EFHC1: variants seen among roughly 807,000 people sequenced by gnomAD.
EFHC1 encodes EF-hand domain-containing protein 1.
In EFHC1, 53 loss-of-function variants were observed where a neutral mutation model predicts 69.9. That is an observed-to-expected ratio of 0.76 (90% CI 0.61 to 0.95). The LOEUF (loss-of-function observed/expected upper bound fraction) is 0.95, where lower values mean the gene tolerates loss of function less well. EFHC1 is among the 40% of genes least tolerant of loss of function. The pLI, the probability that EFHC1 is intolerant of heterozygous loss-of-function variation, is 0.00. For missense variants in EFHC1, 739 were observed against 798.7 expected, an observed-to-expected ratio of 0.93 and a Z score of 0.90; for synonymous variants, 256 against 278.4, an observed-to-expected ratio of 0.92 and a Z score of 0.80.
intron 6 of EFHC1, chr6:52,468,274 T>C (rs1353606986): frequency 6.6e-6 from 1 of 152,226 alleles, no homozygotes; most frequent in Non-Finnish European, 1.5e-5. Flanking sequence ...GTGGATCATA[T>C]GAGCAGGAGT....
At chr6:52,455,127 T>A (rs1361564098) in intron 5 of EFHC1, among the ~76,000 whole-genome samples, 1 of 151,710 alleles carries the variant, frequency 6.6e-6, no homozygotes, top group African/African-American at 2.4e-5. Flanking sequence ...TATTTGAGAG[T>A]GGCAGTGCAA....
intron 2 of EFHC1, among the ~76,000 whole-genome samples, chr6:52,429,589 A>G (rs775487320): frequency 6.6e-6 from 1 of 152,174 alleles, no homozygotes; most frequent in Non-Finnish European, 1.5e-5. Context: ...TGTTTTGGTA[A>G]CTATGGTCTT....
At chr6:52,461,797 A>C (rs1165023601) in intron 5 of EFHC1, among the ~76,000 whole-genome samples, 1 of 152,248 alleles carries the variant, frequency 6.6e-6, no homozygotes, top group Non-Finnish European at 1.5e-5. Flanking sequence ...TGATGAAGCT[A>C]TATTAGTATA....
intron 7 of EFHC1, among the ~76,000 whole-genome samples, chr6:52,470,211 A>G (rs1765405691): frequency 6.6e-6 from 1 of 152,214 alleles, no homozygotes; most frequent in South Asian, 2.1e-4. Context: ...AAGACAACTG[A>G]ATAATAGATT....
At chr6:52,455,071 A>G (rs930959367) in intron 5 of EFHC1, among the ~76,000 whole-genome samples, 15 of 151,346 alleles carry the variant, frequency 9.9e-5, no homozygotes, top group African/African-American at 3.2e-4. Context: ...CAGCCTGGGC[A>G]ACAGTGAGAT....
At chr6:52,450,204 G>A (rs1025255722) in intron 3 of EFHC1, among the ~76,000 whole-genome samples, 2 of 152,110 alleles carry the variant, frequency 1.3e-5, no homozygotes, top group African/African-American at 4.8e-5. Flanking sequence ...TGCATTTCCT[G>A]AGAATTGTTT....
intron 3 of EFHC1, among the ~76,000 whole-genome samples, chr6:52,443,251 G>C (rs1316471370): frequency 6.6e-6 from 1 of 152,194 alleles, no homozygotes; most frequent in Non-Finnish European, 1.5e-5. Context: ...TGTTCACTCA[G>C]ATGGTAGTTT....
rs1216257069 is a variant in EFHC1, at chr6:52,495,041, C to T, written c.*2700C>T. On this transcript the variant is annotated 3_prime_UTR_variant, in exon 11 of 11. Coordinates refer to ENST00000371068, the MANE Select transcript of EFHC1 (RefSeq NM_018100.4). Reference sequence around the variant, plus strand: ...CAACCGGAAACTGCCCAGTGCACCACTCTCAGATGGACGGGACCCAGTCTG... The same window carrying T: ...CAACCGGAAACTGCCCAGTGCACCATTCTCAGATGGACGGGACCCAGTCTG... 2.2e-6 allele frequency: 1 copy of T among 454,114 alleles called. No homozygotes were observed. The highest frequency in any genetic ancestry group is 2.3e-5 in the Admixed American group (1 of 42,574). 28.1% of individuals were successfully genotyped at this position (454,114 alleles called of 1,614,324 possible). A position where few individuals can be genotyped will look rare whatever the true frequency, so the allele number is the denominator to read the frequency against.
At chr6:52,481,004 A>G (rs1240034587) in intron 9 of EFHC1, among the ~76,000 whole-genome samples, 1 of 152,182 alleles carries the variant, frequency 6.6e-6, no homozygotes, top group Non-Finnish European at 1.5e-5. Context: ...ATATATTTTA[A>G]AAGAACTATC....
chr6:52,430,870 TC>T (rs1000760488), intron 2 of EFHC1, among the ~76,000 whole-genome samples: 74 of 152,266 alleles, frequency 4.9e-4, no homozygotes, highest in African/African-American at 1.6e-3. Context: ...ATTATTTCAG[TC>T]TTGCTGCTTG....
chr6:52,453,767 A>G lies in EFHC1; in HGVS notation c.724-328A>G, dbSNP rs531274871. The G allele has an allele frequency of 2.4e-6, 3 of 1,261,712 alleles. No individual in the cohort carries two copies. The South Asian group carries it at 3.9e-5, about 16-fold the overall frequency. 78.2% of individuals were successfully genotyped at this position (1,261,712 alleles called of 1,614,324 possible). On this transcript the variant is annotated intron_variant, in intron 4 of 10. Transcript: ENST00000371068. ...TTCACATGTACCTTTATTAATATATATATACCACTATGTAAAGAACTTCAT... is the reference window on the plus strand; with the variant it reads ...TTCACATGTACCTTTATTAATATATGTATACCACTATGTAAAGAACTTCAT...
At chr6:52,482,999 A>C (rs879665045) in intron 9 of EFHC1, 7 of 395,692 alleles carry the variant, frequency 1.8e-5, no homozygotes, top group Non-Finnish European at 2.7e-5. Context: ...ACTGAGAGAC[A>C]AGGAGGCAAG....
At chr6:52,481,889 C>T (rs961735645) in intron 9 of EFHC1, 5 of 152,060 alleles carry the variant, frequency 3.3e-5, no homozygotes, top group Non-Finnish European at 7.3e-5. Context: ...TCCACCAACG[C>T]TTACAGTTAA....
At position 52,490,264 on chromosome 6, in the gene EFHC1, G is replaced by A. The variant is rs201197637; in HGVS notation, c.1765G>A (p.Glu589Lys). ...TGAGGCATTTCAAATTTATGACAAGGAAGCTTCAGGATATGTGGACAGAGA... is the reference window on the plus strand; with the variant it reads ...TGAGGCATTTCAAATTTATGACAAGAAAGCTTCAGGATATGTGGACAGAGA... ...IREAFQIYDK[E>K]ASGYVDRDMF... is the part of the protein sequence containing the mutation. Residue 589 changes from glutamate (E) to lysine (K), a missense_variant, in exon 10 of 11, where the codon GAA becomes AAA. By Grantham distance (56) the Glu-to-Lys change is moderately conservative. Transcript: ENST00000371068. 38 of 1,614,046 alleles carry A rather than the reference G, an allele frequency of 2.4e-5. No homozygotes were observed. The highest frequency in any genetic ancestry group is 2.5e-6 in the Non-Finnish European group (3 of 1,180,024).
At chr6:52,425,960 C>T (rs922629094) in intron 2 of EFHC1, among the ~76,000 whole-genome samples, 3 of 152,162 alleles carry the variant, frequency 2.0e-5, no homozygotes, top group East Asian at 1.9e-4. Context: ...CCCCTTGCTC[C>T]TGTATAATTC....
chr6:52,450,191 T>C, intron 3 of EFHC1, among the ~76,000 whole-genome samples: 1 of 152,140 alleles, frequency 6.6e-6, no homozygotes, highest in Non-Finnish European at 1.5e-5. Context: ...ATTTTGGTTC[T>C]TTTGCATTTC....
At chr6:52,467,851 C>T (rs1481290021) in intron 6 of EFHC1, among the ~76,000 whole-genome samples, 1 of 152,136 alleles carries the variant, frequency 6.6e-6, no homozygotes, top group Non-Finnish European at 1.5e-5. Flanking sequence ...TACCAATCAG[C>T]AAACGCTTTT....
intron 2 of EFHC1, among the ~76,000 whole-genome samples, chr6:52,424,691 A>G (rs528301758): frequency 6.6e-6 from 1 of 152,248 alleles, no homozygotes; most frequent in Admixed American, 6.5e-5. Flanking sequence ...ATTTATCTTT[A>G]TGTTTTTGCA....
Position 52,495,182 on chromosome 6 carries a change from C to T in EFHC1, c.*2841C>T, listed in dbSNP as rs1347708781. On this transcript the variant is annotated 3_prime_UTR_variant, in exon 11 of 11. Transcript: ENST00000371068. ...TGTGCACTCTCGCCATGTTCTCACC[C>T]AGATGGCTCTCTTGGCTGTGTAATT... 2.2e-6 allele frequency: 1 copy of T among 453,996 alleles called. No homozygotes were observed. The highest frequency in any genetic ancestry group is 4.4e-6 in the Non-Finnish European group (1 of 226,794). 28.1% of individuals were successfully genotyped at this position (453,996 alleles called of 1,614,324 possible). A position where few individuals can be genotyped will look rare whatever the true frequency, so the allele number is the denominator to read the frequency against.
Sources: gnomAD v4.1 joint callset for allele counts (sites outside exome capture counted in the v4.1 genomes callset) on GRCh38, gnomAD v4.1.1 for gene constraint, MANE v1.5 for transcripts, NCBI Gene and HGNC (gene_info 2026-07-23, HGNC 2026-07-21) for gene names.